The following MRC2 variants were observed in gnomAD, a reference collection of about 807,000 sequenced individuals.
MRC2 encodes the protein mannose receptor C-type 2.
MRC2 carries 84 observed loss-of-function variants against 206.2 expected under a neutral mutation model. The observed-to-expected ratio is 0.41, with a 90% confidence interval of 0.34 to 0.49. The LOEUF is 0.49. Ranked by LOEUF, MRC2 falls within the 20% of genes least tolerant of loss-of-function variation. The probability of loss-of-function intolerance (pLI) is 0.31; values close to 1 mark genes in which losing one functional copy is unlikely to be tolerated. For synonymous variants in MRC2, 798 were observed against 800.0 expected (o/e 1.00, Z 0.04); for missense variants, 1,676 against 2,001.5 (o/e 0.84, Z 3.10).
At position 62,693,190 on chromosome 17, in the gene MRC2, G is replaced by C. The variant is rs999299550; in HGVS notation, c.*739G>C. ...GCTGGGATGTCATCTCCTGCCGGGC[G>C]GGGGAGGGCTCTGCCCCTGGAAGAG... is the stretch of plus-strand genomic sequence containing the variant. On this transcript the variant is annotated 3_prime_UTR_variant, in exon 30 of 30. Coordinates refer to ENST00000303375, the MANE Select transcript of MRC2 (RefSeq NM_006039.5). 6.6e-6 allele frequency: 1 copy of C among 152,658 alleles called. No individual in the cohort carries two copies. Among genetic ancestry groups the C allele is most frequent in the Non-Finnish European group, 1.5e-5 (1 of 68,120 alleles). 9.5% of individuals were successfully genotyped at this position (152,658 alleles called of 1,614,324 possible). A position where few individuals can be genotyped will look rare whatever the true frequency, so the allele number is the denominator to read the frequency against.
chr17:62,678,772 G>A (rs2147480000), intron 13 of MRC2, 126 bp downstream of exon 13: 2 of 1,337,238 alleles, frequency 1.5e-6, no homozygotes, highest in African/African-American at 3.0e-5. Context: ...CCCCAGGGAG[G>A]CCTGCATCTG....
chr17:62,691,114 G>A lies in MRC2; in HGVS notation c.4178G>A (p.Cys1393Tyr), dbSNP rs1348512164. 6.2e-7 allele frequency: 1 copy of A among 1,606,148 alleles called. No individual in the cohort carries two copies. The highest frequency in any genetic ancestry group is 8.5e-7 in the Non-Finnish European group (1 of 1,177,208). ...ACCAACATCACCATGGGTGTCGTCT[G>A]CAAGCTTCCTCGTGGTGAGCGCCGG... is the stretch of plus-strand genomic sequence containing the variant. Reference protein sequence around the residue: ...ACTNITMGVVCKLPRAEQSSF... With the variant: ...ACTNITMGVVYKLPRAEQSSF... Residue 1393 changes from cysteine (C) to tyrosine (Y), a missense_variant, in exon 28 of 30, where the codon TGC becomes TAC. By Grantham distance (194) the Cys-to-Tyr change is radical. This residue lies in a region of MRC2 where 1,354 missense variants were observed against 1,636.6 expected (regional missense o/e 0.83). Coordinates refer to ENST00000303375, the MANE Select transcript of MRC2 (RefSeq NM_006039.5).
Position 62,666,996 on chromosome 17 carries a change from C to G in MRC2, c.973+126C>G. On this transcript the variant is annotated intron_variant, in intron 5 of 29. Coordinates refer to ENST00000303375, the MANE Select transcript of MRC2 (RefSeq NM_006039.5). The surrounding 1 kb of genome is among the most constrained non-coding windows in gnomAD (Gnocchi z 5.0). The stretch of plus-strand genomic sequence containing the variant: ...TGGGTAGGGGAAGCACCGACCTCCA[C>G]CCCCCTCCCCAGACTGCGCCCCCCT... The G allele has an allele frequency of 1.3e-6, 1 of 750,940 alleles. No homozygotes were observed. Among genetic ancestry groups the G allele is most frequent in the East Asian group, 2.7e-5 (1 of 36,862 alleles). The allele number at this position is 750,940 out of a possible 1,614,324, so 46.5% of individuals were successfully genotyped here.
chr17:62,688,966 T>C lies in MRC2; in HGVS notation c.3334+6T>C. 6.2e-7 allele frequency: 1 copy of C among 1,611,398 alleles called. No homozygotes were observed. Among genetic ancestry groups the C allele is most frequent in the South Asian group, 1.1e-5 (1 of 90,730 alleles). ...CATCTGCCAGAAGGGCACGGGTATG[T>C]GTCACCAGTCACCTGGGAAACCCCA... On this transcript the variant is annotated splice_donor_region_variant and intron_variant, in intron 23 of 29. Transcript: ENST00000303375.
At chr17:62,655,216 G>T (rs981992422) in intron 1 of MRC2, among the ~76,000 whole-genome samples, 2 of 150,668 alleles carry the variant, frequency 1.3e-5, no homozygotes, top group Non-Finnish European at 3.0e-5. Flanking sequence ...AACCCCAGGG[G>T]TGGAGCCTGC....
chr17:62,657,625 G>A (rs2088633281), intron 1 of MRC2, among the ~76,000 whole-genome samples: 1 of 150,826 alleles, frequency 6.6e-6, no homozygotes, highest in African/African-American at 2.4e-5. Context: ...CCATGCATAT[G>A]GATGAGGCTG....
chr17:62,676,413 C>T lies in MRC2; in HGVS notation c.1716C>T (p.Ile572=). ...AGCAGGCCTTCGTCAGCAGCCTCAT[C>T]TACAACTGGGAGGGCGAGTACTTCT... The part of the protein sequence containing the change: ...RFEQAFVSSL[I]YNWEGEYFWT... Residue 572 remains isoleucine (I), a synonymous_variant, in exon 11 of 30, where the codon ATC becomes ATT. Transcript: ENST00000303375. The T allele has an allele frequency of 6.2e-7, 1 of 1,614,112 alleles. No homozygotes were observed. Among genetic ancestry groups the T allele is most frequent in the Non-Finnish European group, 8.5e-7 (1 of 1,179,984 alleles).
chr17:62,667,478 G>T lies in MRC2; in HGVS notation c.1062G>T (p.Ala354=), dbSNP rs536343179. 130 of 1,612,566 alleles carry T rather than the reference G, an allele frequency of 8.1e-5. 3 individuals carry two copies. The South Asian group carries it at 1.4e-3, about 17-fold the overall frequency. Residue 354 remains alanine, a synonymous_variant, in exon 6 of 30, where the codon GCG becomes GCT. Transcript: ENST00000303375. The surrounding 1 kb of genome is among the most constrained non-coding windows in gnomAD (Gnocchi z 4.1). The stretch of plus-strand genomic sequence containing the variant: ...GGCAGAACCGTGACTGCAGCATCGC[G>T]CTGCCCTATGTGTGCAAGAAGAAGC... ...GGWQNRDCSI[A]LPYVCKKKPN...
intron 1 of MRC2, among the ~76,000 whole-genome samples, chr17:62,642,393 GCTAA>G (rs2088417992): frequency 6.6e-6 from 1 of 152,106 alleles, no homozygotes; most frequent in South Asian, 2.1e-4. Context: ...GTTCCCTTAC[GCTAA>G]CTTTGACCAT....
intron 20 of MRC2, among the ~76,000 whole-genome samples, chr17:62,684,613 C>T (rs562616363): frequency 5.9e-5 from 9 of 151,842 alleles, no homozygotes; most frequent in Non-Finnish European, 1.0e-4. Flanking sequence ...TGGCGATTGA[C>T]AACGAGTTCA....
At chr17:62,691,212 T>A in intron 28 of MRC2, 84 bp downstream of exon 28, 1 of 1,451,778 alleles carries the variant, frequency 6.9e-7, no homozygotes, top group Non-Finnish European at 9.2e-7. Flanking sequence ...GCTTCACAAC[T>A]GCAGGGGGCA....
At chr17:62,669,135 T>A (rs989125641) in intron 6 of MRC2, among the ~76,000 whole-genome samples, 2 of 149,668 alleles carry the variant, frequency 1.3e-5, no homozygotes, top group Non-Finnish European at 3.0e-5. Flanking sequence ...CAACACTAAC[T>A]ACAGACAGTA....
chr17:62,657,234 G>T (rs1173926552), intron 1 of MRC2, among the ~76,000 whole-genome samples: 3 of 152,158 alleles, frequency 2.0e-5, no homozygotes, highest in African/African-American at 7.2e-5. Context: ...AGAGCCCAGC[G>T]CCCTGCCAGA....
In MRC2 at chr17:62,680,939, C is replaced by T; in HGVS notation, c.2613C>T (p.Phe871=). 8 of 1,613,088 alleles carry T rather than the reference C, an allele frequency of 5.0e-6. No homozygotes were observed. Among genetic ancestry groups the T allele is most frequent in the Non-Finnish European group, 6.8e-6 (8 of 1,179,862 alleles). The part of the protein sequence containing the change: ...TSVHSQAELD[F]LSHNLQKFSR... Reference sequence around the variant, plus strand: ...TGCACAGCCAGGCGGAGCTAGACTTCCTGAGCCACAACTTGCAGAAGGTGG... The same window carrying T: ...TGCACAGCCAGGCGGAGCTAGACTTTCTGAGCCACAACTTGCAGAAGGTGG... Residue 871 remains phenylalanine (F), a synonymous_variant, in exon 17 of 30, where the codon TTC becomes TTT. Transcript: ENST00000303375. The surrounding 1 kb of genome is among the most constrained non-coding windows in gnomAD (Gnocchi z 4.8).
rs2088717615 is a variant in MRC2, at chr17:62,664,195, G to A, written c.119-353G>A. Among the ~76,000 whole-genome samples, 1 of 151,782 alleles carries A rather than the reference G, an allele frequency of 6.6e-6. No individual in the cohort carries two copies. The highest frequency in any genetic ancestry group is 6.6e-5 in the Admixed American group (1 of 15,252). ...GGGATGGTCTCGATCTCCTGACCTC[G>A]TGATCCGCCCGCCTCGGCCTCCCAA... On this transcript the variant is annotated intron_variant, in intron 1 of 29. Coordinates refer to ENST00000303375, the MANE Select transcript of MRC2 (RefSeq NM_006039.5). The surrounding 1 kb of genome is among the most constrained non-coding windows in gnomAD (Gnocchi z 4.7).
In MRC2 at chr17:62,680,713, C is replaced by G; in HGVS notation, c.2474-87C>G. ...CAGGCTCGCCTGCTGCCGCCTGGCT[C>G]TGCCCCGGCCCTGCCGCGCCCGCCT... On this transcript the variant is annotated intron_variant, in intron 16 of 29. Coordinates refer to ENST00000303375, the MANE Select transcript of MRC2 (RefSeq NM_006039.5). The surrounding 1 kb of genome is among the most constrained non-coding windows in gnomAD (Gnocchi z 4.8). 1 of 1,379,016 alleles carries G rather than the reference C, an allele frequency of 7.3e-7. No homozygotes were observed. Among genetic ancestry groups the G allele is most frequent in the Non-Finnish European group, 9.4e-7 (1 of 1,066,226 alleles). 85.4% of individuals were successfully genotyped at this position (1,379,016 alleles called of 1,614,324 possible). A position where few individuals can be genotyped will look rare whatever the true frequency, so the allele number is the denominator to read the frequency against.
chr17:62,644,115 T>G (rs2088445239), intron 1 of MRC2, among the ~76,000 whole-genome samples: 1 of 152,160 alleles, frequency 6.6e-6, no homozygotes, highest in African/African-American at 2.4e-5. Flanking sequence ...GATGAAATTT[T>G]TCTGTTTTAA....
rs1332914875 is a variant in MRC2, at chr17:62,675,881, C to T, written c.1661C>T (p.Ser554Phe). 3.1e-6 allele frequency: 5 copies of T among 1,613,960 alleles called. No homozygotes were observed. Among genetic ancestry groups the T allele is most frequent in the Non-Finnish European group, 4.2e-6 (5 of 1,179,988 alleles). ...EARRLCTDHGSQLVTITNRFE... is the reference protein window; with the variant it reads ...EARRLCTDHGFQLVTITNRFE... ...CGGCGCCTGTGCACTGACCATGGCT[C>T]TCAGCTGGTCACCATCACCAACAGG... The change falls in exon 10 of 30, where the codon TCT becomes TTT. Residue 554 changes from serine to phenylalanine, a missense_variant. Coordinates refer to ENST00000303375, the MANE Select transcript of MRC2 (RefSeq NM_006039.5). The surrounding 1 kb of genome is among the most constrained non-coding windows in gnomAD (Gnocchi z 4.1).
intron 1 of MRC2, among the ~76,000 whole-genome samples, chr17:62,647,875 C>T (rs975377299): frequency 2.6e-5 from 4 of 152,174 alleles, no homozygotes; most frequent in Non-Finnish European, 4.4e-5. Context: ...ATGATCTCAG[C>T]CATCCCTGCC....
Sources: gnomAD v4.1 joint callset for allele counts (sites outside exome capture counted in the v4.1 genomes callset) on GRCh38, gnomAD v4.1.1 for gene constraint, gnomAD v4.1.1 regional missense constraint, Gnocchi (gnomAD v3.1) non-coding constraint, MANE v1.5 for transcripts, NCBI Gene and HGNC (gene_info 2026-07-23, HGNC 2026-07-21) for gene names.